PRKN: variants seen among roughly 807,000 people sequenced by gnomAD.
PRKN encodes the protein E3 ubiquitin-protein ligase parkin.
In PRKN, 56 loss-of-function variants were observed where a neutral mutation model predicts 59.5. The observed-to-expected ratio is 0.94, with a 90% CI of 0.76 to 1.18. PRKN has a LOEUF of 1.18. PRKN is among the 50% of genes most tolerant of loss of function. PRKN has a pLI of 0.00. For missense variants in PRKN, 657 were observed against 596.4 expected (o/e 1.10, Z -1.06); for synonymous variants, 250 against 222.1 (o/e 1.13, Z -1.12).
In PRKN at chr6:161,349,703, C is replaced by T. The variant is rs1654400097; in HGVS notation, c.*396G>A. On this transcript the variant is annotated 3_prime_UTR_variant, in exon 12 of 12. Transcript: ENST00000366898. This position sits in a 1 kb window ranked among gnomAD's most constrained non-coding sequence, Gnocchi z 5.5. ...GATATTAAATGTGAGAACTCTCTCTCCAGCTACTGATTCTGCCTGTCTCGA... is the reference window on the plus strand; with the variant it reads ...GATATTAAATGTGAGAACTCTCTCTTCAGCTACTGATTCTGCCTGTCTCGA... 2.7e-6 allele frequency: 1 copy of T among 365,074 alleles called. No homozygotes were observed. The highest frequency in any genetic ancestry group is 2.0e-5 in the African/African-American group (1 of 49,482). 22.6% of individuals were successfully genotyped at this position (365,074 alleles called of 1,614,324 possible).
chr6:161,371,536 G>A lies in PRKN; in HGVS notation c.1168-11331C>T, dbSNP rs574932889. Among the ~76,000 whole-genome samples, 9 of 152,150 alleles carry A rather than the reference G, an allele frequency of 5.9e-5. No homozygotes were observed. Among genetic ancestry groups the A allele is most frequent in the East Asian group, 1.9e-4 (1 of 5,168 alleles). On this transcript the variant is annotated intron_variant, in intron 10 of 11. Transcript: ENST00000366898. This position sits in a 1 kb window ranked among gnomAD's most constrained non-coding sequence, Gnocchi z 5.5. ...AATGGGGTGTCTAGCCAAGGGCTCC[G>A]GGGAATACAAGGCTACACTGTAAGC...
intron 1 of PRKN, among the ~76,000 whole-genome samples, chr6:162,653,318 T>TTGTG (rs1270139302): frequency 2.2e-5 from 1 of 44,670 alleles, no homozygotes; most frequent in Admixed American, 3.0e-4. Context: ...GAGTTTGTGT[T>TTGTG]TGTGTGTGTG....
rs71004102 is a variant in PRKN at position 162,588,013 on chromosome 6, G to GTTTTTTTTTT, written c.7+139639_7+139648dup. 4.3e-3 allele frequency among the ~76,000 whole-genome samples: 584 copies of GTTTTTTTTTT among 136,610 alleles called. 3 individuals are homozygous for GTTTTTTTTTT. Among genetic ancestry groups the GTTTTTTTTTT allele is most frequent in the African/African-American group, 0.012 (465 of 37,388 alleles). The allele number at this position is 136,610 out of a possible 152,430, so 89.6% of individuals were successfully genotyped here. On this transcript the variant is annotated intron_variant, in intron 1 of 11. Transcript: ENST00000366898. ...ATACTTGAACTAAGTGAGTTTTTGAGTTTTTTTTTTTTTTTTAGATGGAGT... is the reference window on the plus strand; with the variant it reads ...ATACTTGAACTAAGTGAGTTTTTGAGTTTTTTTTTTTTTTTTTTTTTTTTTTAGATGGAGT...
At position 161,455,428 on chromosome 6, in the gene PRKN, T is replaced by C. The variant is rs116233663; in HGVS notation, c.1084-68551A>G. Among the ~76,000 whole-genome samples the C allele has an allele frequency of 4.8e-3, 737 of 152,316 alleles. 4 individuals carry two copies. Among genetic ancestry groups the C allele is most frequent in the African/African-American group, 0.017 (695 of 41,566 alleles). On this transcript the variant is annotated intron_variant, in intron 9 of 11. Transcript: ENST00000366898. ...CTGCATGAATGACTTGCTATTTACATCAGCCTACTAAATGCTACCCAGTGA... is the reference window on the plus strand; with the variant it reads ...CTGCATGAATGACTTGCTATTTACACCAGCCTACTAAATGCTACCCAGTGA...
Position 161,639,285 on chromosome 6 carries a change from C to G in PRKN, c.872-69869G>C, listed in dbSNP as rs117656540. Reference sequence around the variant, plus strand: ...CCAAGTGCAGAGCTCCTTCTAGACTCTGCTGTGGTCAAATGACCATTGGGG... The same window carrying G: ...CCAAGTGCAGAGCTCCTTCTAGACTGTGCTGTGGTCAAATGACCATTGGGG... On this transcript the variant is annotated intron_variant, in intron 7 of 11. Transcript: ENST00000366898. Among the ~76,000 whole-genome samples the G allele has an allele frequency of 2.0e-5, 3 of 152,314 alleles. No homozygotes were observed. The East Asian group carries it at 5.8e-4, about 29-fold the overall frequency.
chr6:162,251,709 A>G (rs1258212836), intron 3 of PRKN, among the ~76,000 whole-genome samples: 1 of 152,112 alleles, frequency 6.6e-6, no homozygotes, highest in Non-Finnish European at 1.5e-5. Context: ...ATAAACGGGG[A>G]TATATATGGT....
chr6:162,199,956 CTT>C (rs1261020002), intron 4 of PRKN, among the ~76,000 whole-genome samples: 1 of 152,170 alleles, frequency 6.6e-6, no homozygotes, highest in African/African-American at 2.4e-5. Context: ...TAATTAGCCT[CTT>C]GTCTTTCACC....
intron 1 of PRKN, among the ~76,000 whole-genome samples, chr6:162,599,924 C>T (rs904935824): frequency 2.6e-5 from 4 of 152,146 alleles, no homozygotes; most frequent in Admixed American, 6.6e-5. Flanking sequence ...ATAAATTCAT[C>T]CTTGAAGAAA....
intron 2 of PRKN, among the ~76,000 whole-genome samples, chr6:162,361,260 AGT>A (rs1785121292): frequency 6.6e-6 from 1 of 152,140 alleles, no homozygotes; most frequent in East Asian, 1.9e-4. Flanking sequence ...TATGGACCAA[AGT>A]GTGTTTCTCA....
intron 3 of PRKN, among the ~76,000 whole-genome samples, chr6:162,230,076 A>C (rs1324267462): frequency 6.6e-6 from 1 of 152,222 alleles, no homozygotes; most frequent in Non-Finnish European, 1.5e-5. Context: ...GTACCAGACA[A>C]TTCTTATATT....
At chr6:162,290,377 A>G (rs1482880822) in intron 2 of PRKN, among the ~76,000 whole-genome samples, 1 of 152,218 alleles carries the variant, frequency 6.6e-6, no homozygotes, top group African/African-American at 2.4e-5. Context: ...TGAGTTAATC[A>G]TTTTGTGGAA....
In PRKN at chr6:161,769,138, A is replaced by C. The variant is rs541731858; in HGVS notation, c.871+16634T>G. Among the ~76,000 whole-genome samples the C allele has an allele frequency of 1.7e-3, 254 of 152,322 alleles. 1 individual carries two copies. Among genetic ancestry groups the C allele is most frequent in the African/African-American group, 5.9e-3 (247 of 41,564 alleles). On this transcript the variant is annotated intron_variant, in intron 7 of 11. Coordinates refer to ENST00000366898, the MANE Select transcript of PRKN (RefSeq NM_004562.3). ...CCTATATCAAAGTATTAATGTAGAAAATGTCAAAAAGAAAATAAGATTTTT... is the reference window on the plus strand; with the variant it reads ...CCTATATCAAAGTATTAATGTAGAACATGTCAAAAAGAAAATAAGATTTTT...
chr6:161,687,589 T>G (rs1385322323), intron 7 of PRKN, among the ~76,000 whole-genome samples: 12 of 147,664 alleles, frequency 8.1e-5, no homozygotes, highest in African/African-American at 2.9e-4. Context: ...CCTGAGTAGC[T>G]GGGACTGCAG....
chr6:161,778,925 C>T (rs1045383880), intron 7 of PRKN, among the ~76,000 whole-genome samples: 11 of 152,088 alleles, frequency 7.2e-5, no homozygotes, highest in South Asian at 2.1e-4. Context: ...GTTTTCCATA[C>T]GTATTATTAA....
At chr6:162,531,597 C>T (rs1317623644) in intron 1 of PRKN, among the ~76,000 whole-genome samples, 2 of 152,078 alleles carry the variant, frequency 1.3e-5, no homozygotes, top group Admixed American at 6.6e-5. Flanking sequence ...CCAGTTAATC[C>T]ATCTGGGTGG....
rs572647870 is a variant in PRKN, at chr6:161,935,293, C to T, written c.734+38009G>A. On this transcript the variant is annotated intron_variant, in intron 6 of 11. Coordinates refer to ENST00000366898, the MANE Select transcript of PRKN (RefSeq NM_004562.3). ...GGTCAGGTGTGGTTGGTTGCTCACA[C>T]CTGTAATCCCAACACTTTGGAGGCC... Among the ~76,000 whole-genome samples the T allele has an allele frequency of 4.1e-4, 62 of 152,222 alleles. 1 individual carries two copies. The highest frequency in any genetic ancestry group is 1.5e-3 in the African/African-American group (62 of 41,548).
chr6:161,392,904 G>A (rs531543838), intron 9 of PRKN, among the ~76,000 whole-genome samples: 1 of 152,048 alleles, frequency 6.6e-6, no homozygotes, highest in East Asian at 1.9e-4. Context: ...TTTACTTTTA[G>A]GATGAGTAAA....
chr6:161,380,013 T>C lies in PRKN; in HGVS notation c.1167+6781A>G, dbSNP rs958768528. Among the ~76,000 whole-genome samples the C allele has an allele frequency of 9.8e-5, 15 of 152,344 alleles. No individual in the cohort carries two copies. The East Asian group carries it at 2.7e-3, about 27-fold the overall frequency. On this transcript the variant is annotated intron_variant, in intron 10 of 11. Coordinates refer to ENST00000366898, the MANE Select transcript of PRKN (RefSeq NM_004562.3). ...CTGCCCTAAATCCCAAGCTCCTGCC[T>C]GTGGCTGATAAGGCCCTTCATTTCC...
At chr6:161,630,239 C>T (rs982215948) in intron 7 of PRKN, among the ~76,000 whole-genome samples, 10 of 152,080 alleles carry the variant, frequency 6.6e-5, no homozygotes, top group African/African-American at 2.4e-4. Flanking sequence ...GGTCTGACAA[C>T]ACCTACCATC....
Sources: gnomAD v4.1 joint callset for allele counts (sites outside exome capture counted in the v4.1 genomes callset) on GRCh38, gnomAD v4.1.1 for gene constraint, Gnocchi (gnomAD v3.1) non-coding constraint, MANE v1.5 for transcripts, NCBI Gene and HGNC (gene_info 2026-07-23, HGNC 2026-07-21) for gene names.